ZNF385D: variants seen among roughly 807,000 people sequenced by gnomAD.
The protein encoded by ZNF385D is zinc finger protein 659.
ZNF385D carries 15 observed loss-of-function variants against 35.8 expected under a neutral mutation model. The ratio of observed to expected loss-of-function variants is 0.42; its 90% CI spans 0.28 to 0.64. ZNF385D has a LOEUF of 0.64. ZNF385D is among the 30% of genes least tolerant of loss of function. The pLI, the probability that ZNF385D is intolerant of heterozygous loss-of-function variation, is 0.23. For synonymous variants in ZNF385D, 212 were observed against 186.8 expected (o/e 1.13, Z -1.10); for missense variants, 474 against 494.6 (o/e 0.96, Z 0.39).
chr3:21,690,854 C>T (rs1023170782), intron 1 of ZNF385D, among the ~76,000 whole-genome samples: 5 of 152,172 alleles, frequency 3.3e-5, no homozygotes, highest in African/African-American at 9.7e-5. Flanking sequence ...TTTGGGACCA[C>T]GCTGCATGTC....
At chr3:22,157,954 C>T (rs1025933214) in intron 3 of ZNF385D, among the ~76,000 whole-genome samples, 11 of 152,044 alleles carry the variant, frequency 7.2e-5, no homozygotes, top group African/African-American at 2.7e-4. Context: ...CAAAAGTTCC[C>T]TGGGAATAAC....
chr3:22,088,214 G>C (rs1456785332), intron 3 of ZNF385D, among the ~76,000 whole-genome samples: 1 of 152,140 alleles, frequency 6.6e-6, no homozygotes, highest in South Asian at 2.1e-4. Context: ...TGTTAACATG[G>C]GCACGATGAG....
chr3:21,788,259 A>C (rs896305616), intron 3 of ZNF385D, among the ~76,000 whole-genome samples: 4 of 152,200 alleles, frequency 2.6e-5, no homozygotes, highest in Non-Finnish European at 4.4e-5. Context: ...TGAGTGAATC[A>C]CCTGAGGTCA....
intron 3 of ZNF385D, among the ~76,000 whole-genome samples, chr3:22,167,089 G>A (rs1478555530): frequency 6.6e-6 from 1 of 152,206 alleles, no homozygotes; most frequent in Non-Finnish European, 1.5e-5. Flanking sequence ...GGCCCCTGGT[G>A]AAACCCCACC....
At chr3:21,720,282 C>G (rs2068487194) in intron 1 of ZNF385D, among the ~76,000 whole-genome samples, 1 of 152,152 alleles carries the variant, frequency 6.6e-6, no homozygotes, top group African/African-American at 2.4e-5. Flanking sequence ...AAATTCTGGC[C>G]AGGTGCAGTG....
At chr3:22,127,068 T>C (rs1703475657) in intron 3 of ZNF385D, among the ~76,000 whole-genome samples, 1 of 152,100 alleles carries the variant, frequency 6.6e-6, no homozygotes, top group African/African-American at 2.4e-5. Context: ...TTGTGTGTCT[T>C]TACAGGTGAA....
intron 3 of ZNF385D, among the ~76,000 whole-genome samples, chr3:21,772,326 T>C (rs1358941986): frequency 6.6e-6 from 1 of 151,898 alleles, no homozygotes; most frequent in African/African-American, 2.4e-5. Flanking sequence ...GCAAATCAAG[T>C]ATCTGATAAC....
chr3:22,177,296 T>C (rs1694898615), intron 2 of ZNF385D, among the ~76,000 whole-genome samples: 1 of 152,206 alleles, frequency 6.6e-6, no homozygotes, highest in Admixed American at 6.5e-5. Context: ...ACTTTGGATC[T>C]AAAACAGCTT....
chr3:22,212,018 A>G (rs1697554891), intron 2 of ZNF385D, among the ~76,000 whole-genome samples: 2 of 152,020 alleles, frequency 1.3e-5, no homozygotes, highest in Admixed American at 1.3e-4. Flanking sequence ...ACTATAATTC[A>G]CAAATGGTAA....
At chr3:21,639,329 A>G (rs530106601) in intron 2 of ZNF385D, among the ~76,000 whole-genome samples, 1 of 152,174 alleles carries the variant, frequency 6.6e-6, no homozygotes, top group South Asian at 2.1e-4. Flanking sequence ...TGTGTTTTCT[A>G]GATCCCCAGA....
At chr3:22,132,960 C>T (rs575068413) in intron 3 of ZNF385D, among the ~76,000 whole-genome samples, 25 of 152,158 alleles carry the variant, frequency 1.6e-4, no homozygotes, top group Admixed American at 2.6e-4. Context: ...TGTGTAAACA[C>T]TATAAAGTTA....
chr3:21,510,619 A>C (rs1438729438), intron 4 of ZNF385D, among the ~76,000 whole-genome samples: 1 of 152,180 alleles, frequency 6.6e-6, no homozygotes, highest in African/African-American at 2.4e-5. Flanking sequence ...GCCTTTTATG[A>C]CTATTCCTCT....
intron 2 of ZNF385D, among the ~76,000 whole-genome samples, chr3:21,663,916 T>TATATATATATATATATATAC (rs2066318505): frequency 9.1e-6 from 1 of 110,218 alleles, no homozygotes; most frequent in Non-Finnish European, 1.8e-5. Flanking sequence ...TATATATATA[T>TATATATATATATATATATAC]ATTTATTTAT....
chr3:21,644,075 T>A (rs547360906), intron 2 of ZNF385D, among the ~76,000 whole-genome samples: 1 of 152,232 alleles, frequency 6.6e-6, no homozygotes, highest in South Asian at 2.1e-4. Flanking sequence ...ATGTTGTCAA[T>A]GAGTTGTTGG....
rs369905252 is a variant in ZNF385D, at chr3:22,289,944, G to T, written c.106+82506C>A. Among the ~76,000 whole-genome samples, 13 of 152,244 alleles carry T rather than the reference G, an allele frequency of 8.5e-5. No individual in the cohort carries two copies. In the East Asian group the frequency reaches 2.3e-3, roughly 27 times the overall value. On this transcript the variant is annotated intron_variant, in intron 2 of 5. Transcript: ENST00000494108. ...AGAAGCTTGACTATAAGCAGCAGCA[G>T]TTGAAAGAGTTTGTGGAAAAAAACC...
intron 2 of ZNF385D, among the ~76,000 whole-genome samples, chr3:22,252,440 G>A (rs955614418): frequency 2.0e-5 from 3 of 152,060 alleles, no homozygotes; most frequent in Admixed American, 2.0e-4. Context: ...CTTAAGATGA[G>A]GTGAGTATGT....
intron 2 of ZNF385D, among the ~76,000 whole-genome samples, chr3:22,196,036 AGAG>A (rs1296818946): frequency 6.6e-6 from 1 of 151,988 alleles, no homozygotes; most frequent in Non-Finnish European, 1.5e-5. Context: ...GTGGAGGGTA[AGAG>A]GAGGAAGAGG....
At chr3:21,739,300 G>A (rs1000384298) in intron 1 of ZNF385D, among the ~76,000 whole-genome samples, 1 of 152,200 alleles carries the variant, frequency 6.6e-6, no homozygotes, top group Non-Finnish European at 1.5e-5. Context: ...GCTAGGAAGT[G>A]CATGAGTTAA....
chr3:21,981,876 T>C (rs917821175), intron 3 of ZNF385D, among the ~76,000 whole-genome samples: 3 of 152,136 alleles, frequency 2.0e-5, no homozygotes, highest in South Asian at 2.1e-4. Flanking sequence ...TGTTCATAGA[T>C]ATGTGGCCTT....
Sources: gnomAD v4.1 joint callset for allele counts (sites outside exome capture counted in the v4.1 genomes callset) on GRCh38, gnomAD v4.1.1 for gene constraint, MANE v1.5 for transcripts, NCBI Gene and HGNC (gene_info 2026-07-23, HGNC 2026-07-21) for gene names.